SLC24A2: variants seen among roughly 807,000 people sequenced by gnomAD.
SLC24A2 encodes the protein solute carrier family 24 member 2, also known as sodium/potassium/calcium exchanger 2.
SLC24A2 carries 36 observed loss-of-function variants against 62.0 expected under a neutral mutation model. That is an observed-to-expected ratio of 0.58 (90% CI 0.44 to 0.77). SLC24A2 has a LOEUF of 0.77. SLC24A2 is among the 30% of genes least tolerant of loss of function. The probability of loss-of-function intolerance (pLI) is 0.00; values close to 1 mark genes in which losing one functional copy is unlikely to be tolerated. For missense variants in SLC24A2, 846 were observed against 817.9 expected (o/e 1.03, Z -0.42); for synonymous variants, 358 against 294.0 (o/e 1.22, Z -2.23).
intron 4 of SLC24A2, among the ~76,000 whole-genome samples, chr9:19,615,644 T>G (rs949222927): frequency 4.6e-5 from 7 of 152,226 alleles, no homozygotes; most frequent in Non-Finnish European, 8.8e-5. Context: ...ATTATGGCTC[T>G]CAGCATCTCT....
intron 4 of SLC24A2, among the ~76,000 whole-genome samples, chr9:19,608,587 G>A (rs903908317): frequency 1.3e-5 from 2 of 152,124 alleles, no homozygotes; most frequent in African/African-American, 4.8e-5. Context: ...GCCACCCCTT[G>A]GAACCGCAGT....
At chr9:19,570,186 C>T (rs1480641096) in intron 7 of SLC24A2, among the ~76,000 whole-genome samples, 1 of 152,178 alleles carries the variant, frequency 6.6e-6, no homozygotes, top group Non-Finnish European at 1.5e-5. Context: ...GCCAACTTAC[C>T]TTTTCTAGTG....
At chr9:20,042,132 G>C in the SLC24A2 span, among the ~76,000 whole-genome samples, 1 of 152,314 alleles carries the variant, frequency 6.6e-6, no homozygotes, top group East Asian at 1.9e-4. Flanking sequence ...GGCAGGAATT[G>C]GCTGGGGTCA....
At chr9:19,908,618 T>A in the SLC24A2 span, among the ~76,000 whole-genome samples, 1 of 151,890 alleles carries the variant, frequency 6.6e-6, no homozygotes, top group Admixed American at 6.6e-5. Flanking sequence ...GAATCTACAA[T>A]GAACTCAAAC....
chr9:20,160,974 A>G, the SLC24A2 span, among the ~76,000 whole-genome samples: 1 of 151,296 alleles, frequency 6.6e-6, no homozygotes, highest in African/African-American at 2.4e-5. Flanking sequence ...AGAAGTCAAT[A>G]AAATGAAAAA....
At chr9:19,708,181 A>G (rs1436296531) in intron 2 of SLC24A2, among the ~76,000 whole-genome samples, 1 of 152,222 alleles carries the variant, frequency 6.6e-6, no homozygotes, top group Non-Finnish European at 1.5e-5. Context: ...TGAAATACCT[A>G]GGAATCCAAC....
the SLC24A2 span, among the ~76,000 whole-genome samples, chr9:20,076,423 CG>C: frequency 6.6e-6 from 1 of 152,006 alleles, no homozygotes; most frequent in Admixed American, 6.6e-5. Flanking sequence ...GACAGACACA[CG>C]AAGGGAGAAC....
the SLC24A2 span, among the ~76,000 whole-genome samples, chr9:20,133,900 T>A: frequency 9.9e-5 from 15 of 152,252 alleles, no homozygotes; most frequent in Middle Eastern, 3.4e-3. Flanking sequence ...ATGAATTCAG[T>A]TTAACTTAAT....
intron 5 of SLC24A2, among the ~76,000 whole-genome samples, chr9:19,584,490 G>T (rs917879237): frequency 2.6e-5 from 4 of 152,216 alleles, no homozygotes; most frequent in African/African-American, 9.6e-5. Context: ...CAGAGAATAA[G>T]AGTGAAAGTT....
At chr9:19,708,360 C>T (rs985646942) in intron 2 of SLC24A2, among the ~76,000 whole-genome samples, 8 of 152,074 alleles carry the variant, frequency 5.3e-5, no homozygotes, top group African/African-American at 1.9e-4. Flanking sequence ...AATGCCATCC[C>T]CATCAAGCTA....
intron 8 of SLC24A2, among the ~76,000 whole-genome samples, chr9:19,541,862 C>T (rs1186594756): frequency 6.6e-6 from 1 of 151,808 alleles, no homozygotes; most frequent in Non-Finnish European, 1.5e-5. Flanking sequence ...AGCGAGATTC[C>T]GTGGGCGTAG....
chr9:19,991,242 G>C, the SLC24A2 span, among the ~76,000 whole-genome samples: 1 of 152,030 alleles, frequency 6.6e-6, no homozygotes, highest in Non-Finnish European at 1.5e-5. Flanking sequence ...AGAGCCCCTA[G>C]CAAGCCACTG....
the SLC24A2 span, among the ~76,000 whole-genome samples, chr9:20,045,888 C>A: frequency 6.6e-6 from 1 of 152,164 alleles, no homozygotes; most frequent in Non-Finnish European, 1.5e-5. Context: ...GCCCAAGAGC[C>A]AGTGAGTGAT....
the SLC24A2 span, among the ~76,000 whole-genome samples, chr9:20,079,087 G>T: frequency 7.0e-6 from 1 of 143,504 alleles, no homozygotes; most frequent in East Asian, 2.1e-4. Context: ...TATCCAGGTG[G>T]GCCCTAAATC....
chr9:19,656,619 C>T (rs558392679), intron 2 of SLC24A2, among the ~76,000 whole-genome samples: 46 of 152,266 alleles, frequency 3.0e-4, no homozygotes, highest in African/African-American at 1.0e-3. Flanking sequence ...TTTTATCCCC[C>T]ACCTTCAGAG....
chr9:20,072,282 T>C, the SLC24A2 span, among the ~76,000 whole-genome samples: 2 of 152,020 alleles, frequency 1.3e-5, no homozygotes, highest in Non-Finnish European at 2.9e-5. Flanking sequence ...TCCTCCAGAG[T>C]ATGGGGCAGG....
the SLC24A2 span, among the ~76,000 whole-genome samples, chr9:19,941,836 A>G: frequency 6.6e-6 from 1 of 152,190 alleles, no homozygotes; most frequent in African/African-American, 2.4e-5. Context: ...TGATAAACAC[A>G]AGAAAATACT....
chr9:19,920,121 T>G, the SLC24A2 span, among the ~76,000 whole-genome samples: 1 of 152,206 alleles, frequency 6.6e-6, no homozygotes, highest in Non-Finnish European at 1.5e-5. Flanking sequence ...CATGCAACAT[T>G]TGATATATTT....
intron 2 of SLC24A2, among the ~76,000 whole-genome samples, chr9:19,664,168 T>G (rs1819182324): frequency 6.6e-6 from 1 of 152,250 alleles, no homozygotes; most frequent in Non-Finnish European, 1.5e-5. Flanking sequence ...GTTTGTTTTG[T>G]GATAGTCTGT....
Sources: allele counts gnomAD v4.1 joint callset (sites outside exome capture counted in the v4.1 genomes callset), GRCh38; gene constraint gnomAD v4.1.1; transcripts MANE v1.5; gene names NCBI Gene and HGNC (gene_info 2026-07-23, HGNC 2026-07-21).